Variants in CSK observed in about 807,000 individuals in gnomAD.
CSK encodes the protein tyrosine-protein kinase CSK.
A neutral mutation model predicts 62.3 loss-of-function variants in CSK; 7 were observed. The observed-to-expected ratio is 0.11, with a 90% CI of 0.06 to 0.21. CSK has a LOEUF of 0.21. Ranked by LOEUF, CSK falls within the 10% of genes least tolerant of loss-of-function variation. The probability of loss-of-function intolerance (pLI) is 1.00; values close to 1 mark genes in which losing one functional copy is unlikely to be tolerated. For missense variants in CSK, 294 were observed against 613.5 expected, an observed-to-expected ratio of 0.48 and a Z score of 5.50; for synonymous variants, 237 against 246.0, an observed-to-expected ratio of 0.96 and a Z score of 0.34.
At chr15:74,788,319 C>A (rs2063556333) in intron 1 of CSK, among the ~76,000 whole-genome samples, 1 of 152,122 alleles carries the variant, frequency 6.6e-6, no homozygotes, top group South Asian at 2.1e-4. Context: ...CTCGGTGCCC[C>A]CCACCTGTCC....
intron 1 of CSK, among the ~76,000 whole-genome samples, chr15:74,783,847 A>G (rs1213065520): frequency 6.6e-6 from 1 of 152,204 alleles, no homozygotes; most frequent in East Asian, 1.9e-4. Context: ...CACTCGCCAC[A>G]CCTATGGCCC....
At position 74,798,469 on chromosome 15, in the gene CSK, G is replaced by A; in HGVS notation, c.16-146G>A. On this transcript the variant is annotated intron_variant, in intron 2 of 12. Transcript: ENST00000220003. This position sits in a 1 kb window ranked among gnomAD's most constrained non-coding sequence, Gnocchi z 6.6. ...CTGGGGAAGTGGGGGAGTCTCAACA[G>A]GAAGGGACCCAGGGCTCGTTCTCCG... is the stretch of plus-strand genomic sequence containing the variant. The A allele has an allele frequency of 8.1e-7, 1 of 1,239,112 alleles. No homozygotes were observed. The highest frequency in any genetic ancestry group is 1.3e-5 in the South Asian group (1 of 77,830). 76.8% of individuals were successfully genotyped at this position (1,239,112 alleles called of 1,614,324 possible). A position where few individuals can be genotyped will look rare whatever the true frequency, so the allele number is the denominator to read the frequency against.
chr15:74,785,955 C>T lies in CSK; in HGVS notation c.-66+3235C>T, dbSNP rs183622014. 1.2e-3 allele frequency among the ~76,000 whole-genome samples: 178 copies of T among 151,462 alleles called. 1 individual carries two copies. The highest frequency in any genetic ancestry group is 5.6e-3 in the East Asian group (29 of 5,156). On this transcript the variant is annotated intron_variant, in intron 1 of 12. Transcript: ENST00000220003. ...TCCACCCATTCCCCTTCCGGTCTCC[C>T]AGCATCAGAGCTAAATAGACAAGGC...
chr15:74,800,498 C>T lies in CSK; in HGVS notation c.549C>T (p.Phe183=), dbSNP rs776233503. The part of the protein sequence containing the change: ...MEGTVAAQDE[F]YRSGWALNMK... The stretch of plus-strand genomic sequence containing the variant: ...GCACAGTGGCGGCCCAGGATGAGTT[C>T]TACCGCAGTGAGTGCACCCCACCCC... The change falls in exon 6 of 13, where the codon TTC becomes TTT. Residue 183 remains phenylalanine (F), a synonymous_variant. Transcript: ENST00000220003. The T allele has an allele frequency of 6.8e-6, 11 of 1,613,578 alleles. No homozygotes were observed. In the South Asian group the frequency reaches 1.2e-4, roughly 18 times the overall value.
Position 74,798,105 on chromosome 15 carries a change from T to C in CSK, c.-65-128T>C. On this transcript the variant is annotated intron_variant, in intron 1 of 12. Coordinates refer to ENST00000220003, the MANE Select transcript of CSK (RefSeq NM_004383.3). The surrounding 1 kb of genome is among the most constrained non-coding windows in gnomAD (Gnocchi z 6.6). ...GTCAGCCTGCCAGGACTGGAGAGAA[T>C]GGCCCATGTGTCAAATCCCAGCGCA... 1 of 594,058 alleles carries C rather than the reference T, an allele frequency of 1.7e-6. No individual in the cohort carries two copies. The highest frequency in any genetic ancestry group is 3.0e-6 in the Non-Finnish European group (1 of 338,856). The allele number at this position is 594,058 out of a possible 1,614,324, so 36.8% of individuals were successfully genotyped here.
intron 1 of CSK, among the ~76,000 whole-genome samples, chr15:74,794,982 G>A (rs894143068): frequency 3.3e-5 from 5 of 152,256 alleles, no homozygotes; most frequent in Admixed American, 1.3e-4. Flanking sequence ...CCTGAGCAGC[G>A]GTGCTCAAGG....
At chr15:74,795,085 T>A (rs970866166) in intron 1 of CSK, among the ~76,000 whole-genome samples, 1 of 152,078 alleles carries the variant, frequency 6.6e-6, no homozygotes, top group African/African-American at 2.4e-5. Flanking sequence ...TGGGCCAGTT[T>A]CTCATACTAT....
At position 74,798,182 on chromosome 15, in the gene CSK, T is replaced by TG; in HGVS notation, c.-65-45dup. 5 of 1,163,052 alleles carry TG rather than the reference T, an allele frequency of 4.3e-6. No homozygotes were observed. The highest frequency in any genetic ancestry group is 1.6e-5 in the South Asian group (1 of 62,768). The allele number at this position is 1,163,052 out of a possible 1,614,324, so 72.0% of individuals were successfully genotyped here. On this transcript the variant is annotated intron_variant, in intron 1 of 12. Coordinates refer to ENST00000220003, the MANE Select transcript of CSK (RefSeq NM_004383.3). The surrounding 1 kb of genome is among the most constrained non-coding windows in gnomAD (Gnocchi z 6.6). ...CAGTGAGGAGCCAGATCTCAGCAGT[T>TG]GGGGGGCATTTCTTCACACCCCTCC...
intron 1 of CSK, among the ~76,000 whole-genome samples, chr15:74,790,300 G>A (rs1032087299): frequency 6.6e-6 from 1 of 152,234 alleles, no homozygotes; most frequent in African/African-American, 2.4e-5. Flanking sequence ...TGGCAAGGGG[G>A]AAGGGCAAGG....
intron 1 of CSK, among the ~76,000 whole-genome samples, chr15:74,792,373 G>A (rs2063635774): frequency 1.3e-5 from 2 of 152,080 alleles, no homozygotes; most frequent in Admixed American, 1.3e-4. Context: ...CAGGTGTCCT[G>A]GCAACAGCAG....
chr15:74,794,727 C>T (rs965426268), intron 1 of CSK, among the ~76,000 whole-genome samples: 4 of 152,176 alleles, frequency 2.6e-5, no homozygotes, highest in African/African-American at 4.8e-5. Context: ...CCAAGTCGCA[C>T]AGTCAACAGA....
At chr15:74,795,344 T>C (rs1471180666) in intron 1 of CSK, among the ~76,000 whole-genome samples, 1 of 151,996 alleles carries the variant, frequency 6.6e-6, no homozygotes, top group East Asian at 1.9e-4. Flanking sequence ...GTCGCAATAA[T>C]AACAATAATA....
rs2063749103 is a variant in CSK, at chr15:74,799,052, G to A, written c.242+114G>A. 2.7e-6 allele frequency: 3 copies of A among 1,095,406 alleles called. No homozygotes were observed. In the Admixed American group the frequency reaches 8.6e-5, roughly 31 times the overall value. 67.9% of individuals were successfully genotyped at this position (1,095,406 alleles called of 1,614,324 possible). A position where few individuals can be genotyped will look rare whatever the true frequency, so the allele number is the denominator to read the frequency against. On this transcript the variant is annotated intron_variant, in intron 4 of 12. Coordinates refer to ENST00000220003, the MANE Select transcript of CSK (RefSeq NM_004383.3). ...GGCTTGGGTGTTGGGGAGGGCCTCAGGAGGAGGTGCAGGGTGCGGGTGCGG... is the reference window on the plus strand; with the variant it reads ...GGCTTGGGTGTTGGGGAGGGCCTCAAGAGGAGGTGCAGGGTGCGGGTGCGG...
At chr15:74,791,733 G>C (rs542841103) in intron 1 of CSK, among the ~76,000 whole-genome samples, 1 of 152,100 alleles carries the variant, frequency 6.6e-6, no homozygotes, top group Non-Finnish European at 1.5e-5. Context: ...TGAAGAGTCC[G>C]GGCCAGTTGT....
At chr15:74,783,400 A>G (rs1324928280) in intron 1 of CSK, among the ~76,000 whole-genome samples, 1 of 152,018 alleles carries the variant, frequency 6.6e-6, no homozygotes, top group Non-Finnish European at 1.5e-5. Flanking sequence ...GGTGTCAGGA[A>G]GGGGTGTGTC....
rs935441246 is a variant in CSK at position 74,782,805 on chromosome 15, G to T, written c.-66+85G>T. On this transcript the variant is annotated intron_variant, in intron 1 of 12. Coordinates refer to ENST00000220003, the MANE Select transcript of CSK (RefSeq NM_004383.3). This position sits in a 1 kb window ranked among gnomAD's most constrained non-coding sequence, Gnocchi z 5.7. Reference sequence around the variant, plus strand: ...TAGTCTCTGTTGCTGCCACTGTCGCGTCCACTCCCATTCCCCTCTTCTCCC... The same window carrying T: ...TAGTCTCTGTTGCTGCCACTGTCGCTTCCACTCCCATTCCCCTCTTCTCCC... 6.6e-6 allele frequency: 1 copy of T among 152,500 alleles called. No individual in the cohort carries two copies. The highest frequency in any genetic ancestry group is 2.4e-5 in the African/African-American group (1 of 41,450). 9.4% of individuals were successfully genotyped at this position (152,500 alleles called of 1,614,324 possible).
chr15:74,790,423 C>T (rs984216754), intron 1 of CSK, among the ~76,000 whole-genome samples: 1 of 152,006 alleles, frequency 6.6e-6, no homozygotes. Flanking sequence ...AGTTCTTTCT[C>T]CCCACTCCTT....
chr15:74,802,052 A>C lies in CSK; in HGVS notation c.1139A>C (p.Tyr380Ser). Residue 380 changes from tyrosine to serine, a missense_variant, in exon 12 of 13, where the codon TAC becomes TCC. Tyr to Ser is a moderately radical substitution (Grantham distance 144, BLOSUM62 -2). This residue lies in a region of CSK where 66 missense variants were observed against 99.3 expected (regional missense o/e 0.66). Coordinates refer to ENST00000220003, the MANE Select transcript of CSK (RefSeq NM_004383.3). ...WSFGILLWEI[Y>S]SFGRVPYPRI... ...TTCGGAATCCTTCTCTGGGAAATCTACTCCTTTGGGCGAGTGCCTTATCCA... is the reference window on the plus strand; with the variant it reads ...TTCGGAATCCTTCTCTGGGAAATCTCCTCCTTTGGGCGAGTGCCTTATCCA... 1 of 1,613,818 alleles carries C rather than the reference A, an allele frequency of 6.2e-7. No homozygotes were observed. Among genetic ancestry groups the C allele is most frequent in the Non-Finnish European group, 8.5e-7 (1 of 1,179,930 alleles).
At chr15:74,800,611 T>A in intron 6 of CSK, 70 bp from the exon 7 acceptor site, 5 of 1,540,298 alleles carry the variant, frequency 3.2e-6, no homozygotes, top group Non-Finnish European at 4.4e-6. Flanking sequence ...TGCCTGATAG[T>A]CCAGTCAGCC....
Sources: allele counts gnomAD v4.1 joint callset (sites outside exome capture counted in the v4.1 genomes callset), GRCh38; gene constraint gnomAD v4.1.1; regional missense constraint gnomAD v4.1.1; non-coding constraint Gnocchi (gnomAD v3.1); transcripts MANE v1.5; gene names NCBI Gene and HGNC (gene_info 2026-07-23, HGNC 2026-07-21).